The following COL6A2 variants were observed in gnomAD, a reference collection of about 807,000 sequenced individuals.
COL6A2 encodes collagen alpha-2(VI) chain.
In COL6A2, 90 loss-of-function variants were observed where a neutral mutation model predicts 124.9. The ratio of observed to expected loss-of-function variants is 0.72; its 90% CI spans 0.61 to 0.86. The LOEUF (loss-of-function observed/expected upper bound fraction) is 0.86, where lower values mean the gene tolerates loss of function less well. Ranked by LOEUF, COL6A2 falls within the 40% of genes least tolerant of loss-of-function variation. The pLI, the probability that COL6A2 is intolerant of heterozygous loss-of-function variation, is 0.00. For missense variants in COL6A2, 1,607 were observed against 1,502.5 expected, an observed-to-expected ratio of 1.07 and a Z score of -1.15; for synonymous variants, 793 against 618.2, an observed-to-expected ratio of 1.28 and a Z score of -4.19.
At chr21:46,118,445 G>A (rs1406015443) in intron 12 of COL6A2, among the ~76,000 whole-genome samples, 169 bp from the exon 13 acceptor site, 1 of 152,196 alleles carries the variant, frequency 6.6e-6, no homozygotes, top group Non-Finnish European at 1.5e-5. Context: ...CCCTCAGCTG[G>A]CACGGAGGTT....
In COL6A2 at chr21:46,124,871, C is replaced by T. The variant is rs762776002; in HGVS notation, c.1735-14C>T. Reference sequence around the variant, plus strand: ...CTTGGCCCCAGAGTCTCAGCCTCATCCTTCCTTCCCCAGGGTGAGCCCGGC... The same window carrying T: ...CTTGGCCCCAGAGTCTCAGCCTCATTCTTCCTTCCCCAGGGTGAGCCCGGC... On this transcript the variant is annotated splice_polypyrimidine_tract_variant and intron_variant, in intron 22 of 27. Transcript: ENST00000300527. 1.1e-5 allele frequency: 18 copies of T among 1,612,776 alleles called. No individual in the cohort carries two copies. Among genetic ancestry groups the T allele is most frequent in the South Asian group, 2.2e-5 (2 of 91,082 alleles).
chr21:46,129,752 T>G lies in COL6A2; in HGVS notation c.2462-2202T>G, dbSNP rs996648994. 28 of 1,347,582 alleles carry G rather than the reference T, an allele frequency of 2.1e-5. No individual in the cohort carries two copies. In the Admixed American group the frequency reaches 3.3e-4, roughly 16 times the overall value. The allele number at this position is 1,347,582 out of a possible 1,614,324, so 83.5% of individuals were successfully genotyped here. A position where few individuals can be genotyped will look rare whatever the true frequency, so the allele number is the denominator to read the frequency against. On this transcript the variant is annotated intron_variant, in intron 27 of 27. Coordinates refer to ENST00000300527, the MANE Select transcript of COL6A2 (RefSeq NM_001849.4). ...CTTTATAAGAACCCTGGTCATTGAA[T>G]TTAAGGCCCACCCCAAGTCCAGAAT...
At position 46,112,561 on chromosome 21, in the gene COL6A2, G is replaced by A. The variant is rs146742517; in HGVS notation, c.698G>A (p.Arg233His). ...STEIDQDTIN[R>H]IIKVMKHEAY... ...GAGATCGACCAGGACACCATCAACC[G>A]CATCATCAAGGTCATGGTGAGCCGC... The change falls in exon 3 of 28, where the codon CGC becomes CAC. Residue 233 changes from arginine to histidine, a missense_variant. Transcript: ENST00000300527. 30 of 1,611,824 alleles carry A rather than the reference G, an allele frequency of 1.9e-5. No homozygotes were observed. The African/African-American group carries it at 2.3e-4, about 12-fold the overall frequency.
In COL6A2 at chr21:46,117,463, G is replaced by A. The variant is rs377311004; in HGVS notation, c.1053+10G>A. The A allele has an allele frequency of 2.8e-5, 45 of 1,612,348 alleles. 1 individual carries two copies. In the East Asian group the frequency reaches 4.0e-4, roughly 14 times the overall value. ...AGACCCTGGAAACCGGGTAAGGGCC[G>A]TTTGCACCCCTCCTTCAGCCTCGGC... On this transcript the variant is annotated intron_variant, in intron 11 of 27. Transcript: ENST00000300527.
chr21:46,117,761 CAGTG>C, intron 11 of COL6A2, 109 bp from the exon 12 acceptor site: 3 of 1,114,712 alleles, frequency 2.7e-6, no homozygotes, highest in South Asian at 1.3e-5. Context: ...CTGGGCCTCA[CAGTG>C]AGGGTGGGAG....
chr21:46,130,012 G>C (rs1369153358), intron 27 of COL6A2, among the ~76,000 whole-genome samples: 1 of 152,190 alleles, frequency 6.6e-6, no homozygotes, highest in African/African-American at 2.4e-5. Flanking sequence ...AGAGGCTGGT[G>C]AGCCTCGCTG....
At position 46,109,709 on chromosome 21, in the gene COL6A2, G is replaced by T. The variant is rs554822449; in HGVS notation, c.-27-1741G>T. 2.6e-5 allele frequency among the ~76,000 whole-genome samples: 4 copies of T among 152,108 alleles called. No individual in the cohort carries two copies. The East Asian group carries it at 7.8e-4, about 30-fold the overall frequency. On this transcript the variant is annotated intron_variant, in intron 1 of 27. Coordinates refer to ENST00000300527, the MANE Select transcript of COL6A2 (RefSeq NM_001849.4). ...AAGCATGCACCCACCCGGCCAGGCT[G>T]TGACAGTGCCCAGGCTCAGCCCCAA...
chr21:46,129,282 CT>C (rs752014986), intron 27 of COL6A2: 1 of 1,612,824 alleles, frequency 6.2e-7, no homozygotes, highest in African/African-American at 1.3e-5. Context: ...GACCATTCCC[CT>C]GATCCAACAG....
chr21:46,104,855 G>A (rs926044633), intron 1 of COL6A2, among the ~76,000 whole-genome samples: 1 of 152,154 alleles, frequency 6.6e-6, no homozygotes, highest in African/African-American at 2.4e-5. Flanking sequence ...AACTTTGAAG[G>A]CCACAAGGCA....
intron 1 of COL6A2, among the ~76,000 whole-genome samples, chr21:46,107,394 C>G (rs936154201): frequency 1.3e-5 from 2 of 152,084 alleles, no homozygotes; most frequent in African/African-American, 4.8e-5. Flanking sequence ...TGACACTACA[C>G]GACCAAGAAG....
At position 46,116,963 on chromosome 21, in the gene COL6A2, C is replaced by T; in HGVS notation, c.999+149C>T. 1.5e-6 allele frequency: 1 copy of T among 678,094 alleles called. No individual in the cohort carries two copies. Among genetic ancestry groups the T allele is most frequent in the Non-Finnish European group, 2.5e-6 (1 of 407,638 alleles). The allele number at this position is 678,094 out of a possible 1,614,324, so 42.0% of individuals were successfully genotyped here. ...CACACACACACACACACACGAACTT[C>T]AGCTCCTGCCACATCCCACTGCCCC... On this transcript the variant is annotated intron_variant, in intron 10 of 27. Coordinates refer to ENST00000300527, the MANE Select transcript of COL6A2 (RefSeq NM_001849.4). The surrounding 1 kb of genome is among the most constrained non-coding windows in gnomAD (Gnocchi z 4.6).
intron 26 of COL6A2, 110 bp from the exon 27 acceptor site, chr21:46,126,393 G>A: frequency 1.3e-6 from 2 of 1,547,016 alleles, no homozygotes; most frequent in Non-Finnish European, 1.8e-6. Context: ...CGGGGCTGCA[G>A]GGCAGAGGCC....
At position 46,116,773 on chromosome 21, in the gene COL6A2, G is replaced by A. The variant is rs983390414; in HGVS notation, c.958G>A (p.Ala320Thr). 5 of 1,612,928 alleles carry A rather than the reference G, an allele frequency of 3.1e-6. No individual in the cohort carries two copies. Among genetic ancestry groups the A allele is most frequent in the African/African-American group, 2.7e-5 (2 of 74,916 alleles). Residue 320 changes from alanine to threonine, a missense_variant, in exon 10 of 28, where the codon GCC becomes ACC. Transcript: ENST00000300527. This position sits in a 1 kb window ranked among gnomAD's most constrained non-coding sequence, Gnocchi z 4.6. ...GEFGADGRKG[A>T]PGLAGKNGTD... ...TCCCTCTTCCTTCTCTCTTCAGGGG[G>A]CCCCTGGCCTGGCTGGCAAGAACGG...
rs1158260688 is a variant in COL6A2, at chr21:46,115,864, G to T, written c.802-8G>T. On this transcript the variant is annotated splice_region_variant and splice_polypyrimidine_tract_variant and intron_variant, in intron 5 of 27. Coordinates refer to ENST00000300527, the MANE Select transcript of COL6A2 (RefSeq NM_001849.4). ...CCTGCCTCGATGTACTCTTTTCTCT[G>T]CTTTTAGGGTGCCAAGGGCAACATG... 6.2e-7 allele frequency: 1 copy of T among 1,612,712 alleles called. No homozygotes were observed. The highest frequency in any genetic ancestry group is 1.7e-5 in the Admixed American group (1 of 60,018).
At chr21:46,123,938 G>A (rs557804623) in intron 21 of COL6A2, among the ~76,000 whole-genome samples, 3 of 145,022 alleles carry the variant, frequency 2.1e-5, no homozygotes, top group African/African-American at 7.8e-5. Context: ...GGTTGGGTAG[G>A]TGATGGGTGG....
In COL6A2 at chr21:46,112,786, T is replaced by C. The variant is rs556301170; in HGVS notation, c.715-18T>C. 4.9e-5 allele frequency: 79 copies of C among 1,613,610 alleles called. No homozygotes were observed. The highest frequency in any genetic ancestry group is 1.1e-4 in the African/African-American group (8 of 74,984). ...TCTCGAGGCACACGGCTAACCAGCA[T>C]GTCTGTCTTTTCTGCAGAAACACGA... is the stretch of plus-strand genomic sequence containing the variant. On this transcript the variant is annotated intron_variant, in intron 3 of 27. Transcript: ENST00000300527.
intron 23 of COL6A2, 113 bp downstream of exon 23, chr21:46,125,033 G>C: frequency 7.5e-7 from 1 of 1,336,644 alleles, no homozygotes; most frequent in Non-Finnish European, 1.1e-6. Flanking sequence ...GATCAGTGGA[G>C]GAGGTCAGAG....
At chr21:46,125,224 G>A (rs2078641818) in intron 23 of COL6A2, 42 bp from the exon 24 acceptor site, 1 of 1,598,542 alleles carries the variant, frequency 6.3e-7, no homozygotes, top group Non-Finnish European at 8.6e-7. Context: ...AAACTCTTCT[G>A]GGGCCCCGGG....
rs2078416208 is a variant in COL6A2, at chr21:46,112,429, C to G, written c.566C>G (p.Ala189Gly). The part of the protein sequence containing the change: ...RAREEGIRLF[A>G]VAPNQNLKEQ... ...CGCGAGGAGGGCATCCGGCTCTTCG[C>G]CGTGGCCCCCAACCAGAACCTGAAG... is the stretch of plus-strand genomic sequence containing the variant. Residue 189 changes from alanine (A) to glycine (G), a missense_variant, in exon 3 of 28, where the codon GCC becomes GGC. Ala to Gly is a moderately conservative substitution (Grantham distance 60). Around this residue, in one of 3 missense-constraint regions of COL6A2, gnomAD observed 342 missense variants for 381.5 expected, o/e 0.90. Coordinates refer to ENST00000300527, the MANE Select transcript of COL6A2 (RefSeq NM_001849.4). 6.2e-7 allele frequency: 1 copy of G among 1,609,332 alleles called. No individual in the cohort carries two copies. Among genetic ancestry groups the G allele is most frequent in the South Asian group, 1.1e-5 (1 of 91,030 alleles).
Sources: gnomAD v4.1 joint callset for allele counts (sites outside exome capture counted in the v4.1 genomes callset) on GRCh38, gnomAD v4.1.1 for gene constraint, gnomAD v4.1.1 regional missense constraint, Gnocchi (gnomAD v3.1) non-coding constraint, MANE v1.5 for transcripts, NCBI Gene and HGNC (gene_info 2026-07-23, HGNC 2026-07-21) for gene names.